Variants in GNPTAB observed in about 807,000 individuals in gnomAD.
GNPTAB encodes N-acetylglucosamine-1-phosphotransferase subunits alpha/beta.
A neutral mutation model predicts 136.6 loss-of-function variants in GNPTAB; 92 were observed. The ratio of observed to expected loss-of-function variants is 0.67; its 90% CI spans 0.57 to 0.80. The LOEUF (loss-of-function observed/expected upper bound fraction) is 0.80, where lower values mean the gene tolerates loss of function less well. Ranked by LOEUF, GNPTAB falls within the 30% of genes least tolerant of loss-of-function variation. GNPTAB has a pLI of 0.00. For synonymous variants in GNPTAB, 512 were observed against 535.1 expected, an observed-to-expected ratio of 0.96 and a Z score of 0.60; for missense variants, 1,343 against 1,501.8, an observed-to-expected ratio of 0.89 and a Z score of 1.75.
At chr12:101,781,180 C>T (rs529718939) in intron 5 of GNPTAB, among the ~76,000 whole-genome samples, 1 of 152,170 alleles carries the variant, frequency 6.6e-6, no homozygotes, top group African/African-American at 2.4e-5. Flanking sequence ...GGGGGTGACA[C>T]AGCCCAACTG....
At chr12:101,818,790 C>T (rs1316382716) in intron 1 of GNPTAB, among the ~76,000 whole-genome samples, 1 of 152,088 alleles carries the variant, frequency 6.6e-6, no homozygotes, top group East Asian at 1.9e-4. Context: ...ATGGGAGGGA[C>T]CTGATGGGAG....
intron 16 of GNPTAB, among the ~76,000 whole-genome samples, chr12:101,758,616 T>C (rs544372320): frequency 8.6e-4 from 131 of 152,358 alleles, no homozygotes; most frequent in African/African-American, 3.1e-3. Context: ...ATTTAGAGAA[T>C]TGGCTTTTAA....
intron 1 of GNPTAB, among the ~76,000 whole-genome samples, chr12:101,825,240 G>A (rs1339022609): frequency 6.6e-6 from 1 of 152,116 alleles, no homozygotes; most frequent in African/African-American, 2.4e-5. Flanking sequence ...TTGTATCTCT[G>A]ACAGCATTTT....
intron 2 of GNPTAB, 39 bp from the exon 3 acceptor site, chr12:101,790,096 T>C (rs1477072896): frequency 1.2e-6 from 2 of 1,613,826 alleles, no homozygotes; most frequent in East Asian, 4.5e-5. Flanking sequence ...TAAATGCATT[T>C]TTCCAATATA....
rs564430600 is a variant in GNPTAB, at chr12:101,770,120, G to A, written c.1185C>T (p.Ile395=). 1.7e-5 allele frequency: 28 copies of A among 1,613,936 alleles called. No homozygotes were observed. Among genetic ancestry groups the A allele is most frequent in the East Asian group, 2.2e-5 (1 of 44,898 alleles). ...AAATAAACTTCTGGGACAGCCCTTC[G>A]ATGCGATGAATGTGACTTTCAATAG... ...SPAIESHIHR[I]EGLSQKFIYL... Residue 395 remains isoleucine, a synonymous_variant, in exon 10 of 21, where the codon ATC becomes ATT. Coordinates refer to ENST00000299314, the MANE Select transcript of GNPTAB (RefSeq NM_024312.5).
At chr12:101,774,773 A>G (rs1160610186) in intron 7 of GNPTAB, among the ~76,000 whole-genome samples, 2 of 152,228 alleles carry the variant, frequency 1.3e-5, no homozygotes, top group Non-Finnish European at 2.9e-5. Context: ...ATTGTAGCCT[A>G]TATTTAAAAA....
At chr12:101,751,259 T>C (rs938419464) in intron 19 of GNPTAB, among the ~76,000 whole-genome samples, 1 of 152,226 alleles carries the variant, frequency 6.6e-6, no homozygotes, top group Non-Finnish European at 1.5e-5. Flanking sequence ...ATTTTCATAA[T>C]TCAAAATCAA....
At position 101,788,571 on chromosome 12, in the gene GNPTAB, GT is replaced by G; in HGVS notation, c.341del (p.Asn114ThrfsTer13). On this transcript the variant is annotated frameshift_variant, in exon 4 of 21. Transcript: ENST00000299314. LOFTEE classifies it high-confidence loss of function. Reference sequence around the variant, plus strand: ...ACCTCTTCTTAGTAGGTTCCGTTGTGTTTTTCCCAAGGATTTCTCTAATAAA... The same window carrying G: ...ACCTCTTCTTAGTAGGTTCCGTTGTGTTTTCCCAAGGATTTCTCTAATAAA... ...QKAMREILGK[N>X]TTEPTKKSEK... 2 of 1,564,940 alleles carry G rather than the reference GT, an allele frequency of 1.3e-6. No homozygotes were observed. Among genetic ancestry groups the G allele is most frequent in the Non-Finnish European group, 8.8e-7 (1 of 1,135,230 alleles).
chr12:101,747,760 T>C (rs1952755901), intron 20 of GNPTAB, among the ~76,000 whole-genome samples: 1 of 129,858 alleles, frequency 7.7e-6, no homozygotes, highest in African/African-American at 3.0e-5. Flanking sequence ...GGCTGCTTTG[T>C]TTGTGAAGGT....
intron 1 of GNPTAB, among the ~76,000 whole-genome samples, chr12:101,815,979 A>G (rs1870495770): frequency 6.6e-6 from 1 of 152,190 alleles, no homozygotes; most frequent in Admixed American, 6.5e-5. Context: ...TGGTGCTGGG[A>G]AAAAGGATTT....
At chr12:101,826,500 TTTTTAA>T (rs1871089989) in intron 1 of GNPTAB, among the ~76,000 whole-genome samples, 1 of 107,190 alleles carries the variant, frequency 9.3e-6, no homozygotes. Flanking sequence ...ATTTTTCTGA[TTTTTAA>T]TTTTTTTTTT....
chr12:101,818,985 T>TG (rs1870660353), intron 1 of GNPTAB, among the ~76,000 whole-genome samples: 1 of 152,104 alleles, frequency 6.6e-6, no homozygotes, highest in Non-Finnish European at 1.5e-5. Flanking sequence ...CCCAGCCATG[T>TG]GGAACTGCAA....
chr12:101,796,883 T>C lies in GNPTAB; in HGVS notation c.118-121A>G, dbSNP rs1171442262. On this transcript the variant is annotated intron_variant, in intron 1 of 20. Coordinates refer to ENST00000299314, the MANE Select transcript of GNPTAB (RefSeq NM_024312.5). ...GGGTAAAGAAATCAAAATTCATGTA[T>C]TCACTTACTGCCTACCACATACATC... is the stretch of plus-strand genomic sequence containing the variant. The C allele has an allele frequency of 4.3e-6, 3 of 696,120 alleles. No homozygotes were observed. The South Asian group carries it at 5.1e-5, about 12-fold the overall frequency. The allele number at this position is 696,120 out of a possible 1,614,324, so 43.1% of individuals were successfully genotyped here.
Position 101,765,080 on chromosome 12 carries a change from A to G in GNPTAB, c.1837T>C (p.Phe613Leu). ...HSGMNATTIH[F>L]NLTFQNTNDE... ...TTTGTATTTTGAAACGTGAGATTAAAATGTATTGTGGTGGCATTCATTCCA... is the reference window on the plus strand; with the variant it reads ...TTTGTATTTTGAAACGTGAGATTAAGATGTATTGTGGTGGCATTCATTCCA... Residue 613 changes from phenylalanine to leucine, a missense_variant, in exon 13 of 21, where the codon TTT becomes CTT. By Grantham distance (22) the Phe-to-Leu change is conservative. Transcript: ENST00000299314. The G allele has an allele frequency of 1.9e-6, 3 of 1,614,126 alleles. No individual in the cohort carries two copies. The highest frequency in any genetic ancestry group is 2.5e-6 in the Non-Finnish European group (3 of 1,179,990).
chr12:101,821,079 A>G lies in GNPTAB; in HGVS notation c.117+9480T>C, dbSNP rs1009280440. 1.6e-3 allele frequency among the ~76,000 whole-genome samples: 236 copies of G among 148,652 alleles called. 1 individual carries two copies. Among genetic ancestry groups the G allele is most frequent in the Middle Eastern group, 6.9e-3 (2 of 290 alleles). The stretch of plus-strand genomic sequence containing the variant: ...TCTCAAAAAAAAAAAAAAAAAAAAA[A>G]GCAAGCATCTCCTGATCCCCTGCCA... On this transcript the variant is annotated intron_variant, in intron 1 of 20. Coordinates refer to ENST00000299314, the MANE Select transcript of GNPTAB (RefSeq NM_024312.5).
chr12:101,824,096 C>CGGGT (rs1322746537), intron 1 of GNPTAB, among the ~76,000 whole-genome samples: 2 of 152,104 alleles, frequency 1.3e-5, no homozygotes, highest in Admixed American at 1.3e-4. Flanking sequence ...CAGCCCCACC[C>CGGGT]ACTCCCCTAT....
chr12:101,812,527 G>A (rs1289229825), intron 1 of GNPTAB, among the ~76,000 whole-genome samples: 4 of 152,144 alleles, frequency 2.6e-5, no homozygotes, highest in African/African-American at 9.7e-5. Context: ...AAGCTGAGGT[G>A]GGAGGACTGC....
intron 7 of GNPTAB, chr12:101,779,687 C>T (rs1486448876): frequency 5.3e-6 from 1 of 187,758 alleles, no homozygotes; most frequent in African/African-American, 2.4e-5. Flanking sequence ...ACATTTATGA[C>T]TTCCCCTCAT....
intron 2 of GNPTAB, among the ~76,000 whole-genome samples, chr12:101,793,747 T>G (rs1224649622): frequency 6.6e-6 from 1 of 152,262 alleles, no homozygotes; most frequent in East Asian, 1.9e-4. Context: ...TAAGTGAATA[T>G]TAAAGCCACT....
Sources: gnomAD v4.1 joint callset for allele counts (sites outside exome capture counted in the v4.1 genomes callset) on GRCh38, gnomAD v4.1.1 for gene constraint, MANE v1.5 for transcripts, NCBI Gene and HGNC (gene_info 2026-07-23, HGNC 2026-07-21) for gene names.